LYPD6B: variants seen among roughly 807,000 people sequenced by gnomAD.
The protein encoded by LYPD6B is LY6/PLAUR domain containing 6B.
LYPD6B carries 17 observed loss-of-function variants against 22.8 expected under a neutral mutation model. That is an observed-to-expected ratio of 0.75 (90% CI 0.51 to 1.12). The LOEUF (loss-of-function observed/expected upper bound fraction) is 1.12. LYPD6B is among the 50% of genes most tolerant of loss of function. The pLI is 0.00. For synonymous variants in LYPD6B, 106 were observed against 91.6 expected, an observed-to-expected ratio of 1.16 and a Z score of -0.90; for missense variants, 221 against 258.3, an observed-to-expected ratio of 0.86 and a Z score of 0.99.
intron 1 of LYPD6B, among the ~76,000 whole-genome samples, chr2:149,078,450 G>A (rs1684973402): frequency 6.6e-6 from 1 of 152,106 alleles, no homozygotes; most frequent in Non-Finnish European, 1.5e-5. Flanking sequence ...CTGGTCCTTT[G>A]GGGGTTAAAT....
intron 3 of LYPD6B, among the ~76,000 whole-genome samples, chr2:149,163,605 C>T (rs748867189): frequency 1.2e-4 from 19 of 152,214 alleles, no homozygotes; most frequent in Non-Finnish European, 1.0e-4. Flanking sequence ...CAGATCCTCT[C>T]ATCATATATT....
At chr2:149,212,582 G>A (rs1176200075) in intron 5 of LYPD6B, among the ~76,000 whole-genome samples, 4 of 151,958 alleles carry the variant, frequency 2.6e-5, no homozygotes, top group Non-Finnish European at 5.9e-5. Flanking sequence ...TGAAACAACT[G>A]TTCTGACCCA....
chr2:149,079,243 G>T (rs2105386958), intron 1 of LYPD6B, among the ~76,000 whole-genome samples: 1 of 152,174 alleles, frequency 6.6e-6, no homozygotes, highest in East Asian at 1.9e-4. Context: ...CTTAGTTAAT[G>T]TCTCTCAAAT....
At chr2:149,064,836 G>A (rs1684250523) in intron 1 of LYPD6B, among the ~76,000 whole-genome samples, 1 of 152,226 alleles carries the variant, frequency 6.6e-6, no homozygotes, top group Admixed American at 6.5e-5. Flanking sequence ...TGCCTGGAAC[G>A]TGGAGGCCTC....
Position 149,047,365 on chromosome 2 carries a change from G to T in LYPD6B, c.-67+8564G>T, listed in dbSNP as rs902019412. Among the ~76,000 whole-genome samples the T allele has an allele frequency of 2.6e-5, 4 of 152,088 alleles. No homozygotes were observed. In the East Asian group the frequency reaches 7.7e-4, roughly 29 times the overall value. ...TTGATCTTAGCTAAAAGGCTGAGAAGCAATGGGTTGACAATTTAAAAAAAA... is the reference window on the plus strand; with the variant it reads ...TTGATCTTAGCTAAAAGGCTGAGAATCAATGGGTTGACAATTTAAAAAAAA... On this transcript the variant is annotated intron_variant, in intron 1 of 6. Coordinates refer to ENST00000409642, the MANE Select transcript of LYPD6B (RefSeq NM_177964.5).
At chr2:149,064,787 G>C (rs1684248579) in intron 1 of LYPD6B, among the ~76,000 whole-genome samples, 1 of 152,326 alleles carries the variant, frequency 6.6e-6, no homozygotes, top group South Asian at 2.1e-4. Context: ...GTGCTCATCT[G>C]AATGGTTAAT....
At chr2:149,042,085 T>C (rs1659011603) in intron 1 of LYPD6B, among the ~76,000 whole-genome samples, 2 of 152,232 alleles carry the variant, frequency 1.3e-5, no homozygotes, top group African/African-American at 4.8e-5. Context: ...CTCTAAATCA[T>C]GACTTTGTTT....
Position 149,127,994 on chromosome 2 carries a change from ATT to A in LYPD6B, c.-66-2879_-66-2878del, listed in dbSNP as rs5835281. Reference sequence around the variant, plus strand: ...TATAGTACTGCATAGGTAAATGATGATTTTTTTTTTTAAAAAAGAAACAAATT... The same window carrying A: ...TATAGTACTGCATAGGTAAATGATGATTTTTTTTTAAAAAAGAAACAAATT... On this transcript the variant is annotated intron_variant, in intron 1 of 6. Transcript: ENST00000409642. 9.3e-4 allele frequency among the ~76,000 whole-genome samples: 140 copies of A among 151,012 alleles called. 1 individual carries two copies. The highest frequency in any genetic ancestry group is 9.2e-3 in the South Asian group (44 of 4,780).
chr2:149,206,446 C>T (rs1440949373), intron 4 of LYPD6B, among the ~76,000 whole-genome samples: 1 of 152,014 alleles, frequency 6.6e-6, no homozygotes, highest in African/African-American at 2.4e-5. Flanking sequence ...ACATACACAC[C>T]TTGAACTACC....
chr2:149,211,379 A>G (rs753800427), intron 5 of LYPD6B, among the ~76,000 whole-genome samples: 2 of 152,188 alleles, frequency 1.3e-5, no homozygotes. Flanking sequence ...CTACTGGGTT[A>G]GAATCCTACT....
intron 2 of LYPD6B, among the ~76,000 whole-genome samples, chr2:149,147,463 T>C (rs192554704): frequency 2.6e-5 from 4 of 152,330 alleles, no homozygotes; most frequent in African/African-American, 9.6e-5. Flanking sequence ...AGTCAGATCA[T>C]ACTGTGTGAT....
intron 1 of LYPD6B, among the ~76,000 whole-genome samples, chr2:149,061,498 C>T (rs1325003652): frequency 2.6e-5 from 4 of 152,100 alleles, no homozygotes; most frequent in Admixed American, 1.3e-4. Context: ...CCCTGTGAGG[C>T]AAGCCTGACT....
chr2:149,102,012 C>T (rs1269890655), intron 1 of LYPD6B, among the ~76,000 whole-genome samples: 1 of 152,124 alleles, frequency 6.6e-6, no homozygotes, highest in Non-Finnish European at 1.5e-5. Flanking sequence ...TTAGACATAC[C>T]AGCCACAAAG....
chr2:149,123,896 A>G (rs979617841), intron 1 of LYPD6B, among the ~76,000 whole-genome samples: 3 of 152,224 alleles, frequency 2.0e-5, no homozygotes, highest in Non-Finnish European at 4.4e-5. Flanking sequence ...AAAATGCTGT[A>G]AAAGACCACA....
At chr2:149,086,800 C>T (rs1558989673) in intron 1 of LYPD6B, among the ~76,000 whole-genome samples, 1 of 152,122 alleles carries the variant, frequency 6.6e-6, no homozygotes, top group Non-Finnish European at 1.5e-5. Context: ...AGGGAGGGAT[C>T]TCTTCCAGGC....
At chr2:149,086,494 ACT>A (rs1279292967) in intron 1 of LYPD6B, among the ~76,000 whole-genome samples, 1 of 151,932 alleles carries the variant, frequency 6.6e-6, no homozygotes, top group Non-Finnish European at 1.5e-5. Flanking sequence ...ATCTGGTGCT[ACT>A]CTCTCCTTCC....
intron 4 of LYPD6B, chr2:149,206,004 C>G (rs186828377): frequency 4.5e-4 from 209 of 468,372 alleles, no homozygotes; most frequent in African/African-American, 3.9e-3. Context: ...GTCATTAACC[C>G]TCCTTTCTTT....
chr2:149,205,458 T>C (rs981400138), intron 4 of LYPD6B, 54 bp downstream of exon 4: 235 of 1,554,928 alleles, frequency 1.5e-4, no homozygotes, highest in Non-Finnish European at 2.0e-4. Flanking sequence ...AGAGTGTTAA[T>C]ATGAAGCCCC....
rs1684552500 is a variant in LYPD6B, at chr2:149,070,509, T to G, written c.-67+31708T>G. ...TTCCTAAGACTATGGTAATTGTATT[T>G]TCGATGGTATTCCCAGTGCCTGGAA... On this transcript the variant is annotated intron_variant, in intron 1 of 6. Transcript: ENST00000409642. 2.0e-4 allele frequency among the ~76,000 whole-genome samples: 30 copies of G among 152,174 alleles called. 1 individual carries two copies. Among genetic ancestry groups the G allele is most frequent in the Admixed American group, 2.0e-3 (30 of 15,276 alleles).
Sources: gnomAD v4.1 joint callset for allele counts (sites outside exome capture counted in the v4.1 genomes callset) on GRCh38, gnomAD v4.1.1 for gene constraint, MANE v1.5 for transcripts, NCBI Gene and HGNC (gene_info 2026-07-23, HGNC 2026-07-21) for gene names.